Variants in ZC3H18 observed in about 807,000 individuals in gnomAD.
ZC3H18 encodes zinc finger CCCH-type containing 18, also known as zinc finger CCCH domain-containing protein 18.
ZC3H18 carries 8 observed loss-of-function variants against 106.1 expected under a neutral mutation model. The ratio of observed to expected loss-of-function variants is 0.08; its 90% CI spans 0.04 to 0.14. The LOEUF (loss-of-function observed/expected upper bound fraction) is 0.14. Among genes scored for constraint, ZC3H18 ranks in the 10% least tolerant of loss-of-function variants. The pLI, the probability that ZC3H18 is intolerant of heterozygous loss-of-function variation, is 1.00. For missense variants in ZC3H18, 1,318 were observed against 1,278.4 expected (o/e 1.03, Z -0.47); for synonymous variants, 635 against 522.1 (o/e 1.22, Z -2.95).
chr16:88,621,105 C>T (rs186154344), intron 8 of ZC3H18, among the ~76,000 whole-genome samples: 4 of 152,288 alleles, frequency 2.6e-5, no homozygotes, highest in Admixed American at 6.5e-5. Flanking sequence ...AGGGCAGTGG[C>T]GCAGTCTCAG....
chr16:88,596,929 G>T (rs995756233), intron 3 of ZC3H18, among the ~76,000 whole-genome samples: 1 of 152,022 alleles, frequency 6.6e-6, no homozygotes, highest in Non-Finnish European at 1.5e-5. Flanking sequence ...TTTGTTTTTT[G>T]TTGTTGTTTT....
chr16:88,627,934 G>C lies in ZC3H18; in HGVS notation c.2284G>C (p.Glu762Gln), dbSNP rs1356950701. The change falls in exon 15 of 18, where the codon GAA (glutamate) becomes CAA (glutamine). Residue 762 changes from glutamate to glutamine, a missense_variant. By Grantham distance (29) the Glu-to-Gln change is conservative. This residue lies in a region of ZC3H18 where 848 missense variants were observed against 821.7 expected (regional missense o/e 1.03). Coordinates refer to ENST00000301011, the MANE Select transcript of ZC3H18 (RefSeq NM_144604.4). This position sits in a 1 kb window ranked among gnomAD's most constrained non-coding sequence, Gnocchi z 4.5. ...ATCATTGGTAGGAAAATCTAAGAAA[G>C]AAGACGGTGTTAAAGAGGAAAAGCG... ...TRKEKGKSKKEDGVKEEKRKR... is the reference protein window; with the variant it reads ...TRKEKGKSKKQDGVKEEKRKR... 6.2e-7 allele frequency: 1 copy of C among 1,613,952 alleles called. No individual in the cohort carries two copies. The highest frequency in any genetic ancestry group is 8.5e-7 in the Non-Finnish European group (1 of 1,180,048).
At chr16:88,630,188 G>T (rs1187438418) in intron 16 of ZC3H18, 2 of 371,796 alleles carry the variant, frequency 5.4e-6, no homozygotes, top group East Asian at 4.7e-5. Context: ...CGTATTTGAA[G>T]ACCCATGTGA....
At position 88,625,274 on chromosome 16, in the gene ZC3H18, C is replaced by T. The variant is rs1327501376; in HGVS notation, c.2108+7C>T. On this transcript the variant is annotated splice_region_variant and intron_variant, in intron 13 of 17. Transcript: ENST00000301011. ...GTTCCAGCTCCCGATCCAGGTCATCCCCATCACCCTGTGCCTCTGTTTCTC... is the reference window on the plus strand; with the variant it reads ...GTTCCAGCTCCCGATCCAGGTCATCTCCATCACCCTGTGCCTCTGTTTCTC... The T allele has an allele frequency of 2.5e-6, 4 of 1,583,334 alleles. No homozygotes were observed. The highest frequency in any genetic ancestry group is 2.6e-6 in the Non-Finnish European group (3 of 1,164,796).
intron 1 of ZC3H18, among the ~76,000 whole-genome samples, chr16:88,571,174 A>C (rs971745667): frequency 1.3e-5 from 2 of 152,214 alleles, no homozygotes; most frequent in African/African-American, 2.4e-5. Context: ...GGAAGAACTG[A>C]AACTTAACAG....
At position 88,627,793 on chromosome 16, in the gene ZC3H18, G is replaced by T. The variant is rs1423681829; in HGVS notation, c.2269+11G>T. ...CCAGGAAGGAGAAAGGTACTCAGGA[G>T]CCCTGGTACCTTTGGGGAGCAGCTC... On this transcript the variant is annotated intron_variant, in intron 14 of 17. Transcript: ENST00000301011. The surrounding 1 kb of genome is among the most constrained non-coding windows in gnomAD (Gnocchi z 4.5). 6.2e-7 allele frequency: 1 copy of T among 1,610,096 alleles called. No homozygotes were observed. Among genetic ancestry groups the T allele is most frequent in the African/African-American group, 1.3e-5 (1 of 75,012 alleles).
intron 1 of ZC3H18, among the ~76,000 whole-genome samples, chr16:88,572,808 A>T (rs1477796115): frequency 6.6e-6 from 1 of 151,910 alleles, no homozygotes; most frequent in Non-Finnish European, 1.5e-5. Flanking sequence ...CCCAGGCTGG[A>T]GTGCAGTGGC....
rs140742060 is a variant in ZC3H18, at chr16:88,584,182, G to A, written c.604-2418G>A. ...CACACCTGTAATCCTAGCACTTTGG[G>A]AGGCCAAGGCGGGCAGATCACCTGA... On this transcript the variant is annotated intron_variant, in intron 2 of 17. Transcript: ENST00000301011. Among the ~76,000 whole-genome samples, 256 of 152,228 alleles carry A rather than the reference G, an allele frequency of 1.7e-3. 2 individuals carry two copies. The highest frequency in any genetic ancestry group is 5.7e-3 in the African/African-American group (236 of 41,548).
intron 17 of ZC3H18, 68 bp from the exon 18 acceptor site, chr16:88,631,033 G>A (rs922382617): frequency 8.8e-6 from 14 of 1,594,634 alleles, no homozygotes; most frequent in South Asian, 6.6e-5. Context: ...CGCCCCTACG[G>A]GGAGGTCACC....
At position 88,609,332 on chromosome 16, in the gene ZC3H18, C is replaced by T. The variant is rs1299637843; in HGVS notation, c.1206+281C>T. 5 of 233,946 alleles carry T rather than the reference C, an allele frequency of 2.1e-5. No individual in the cohort carries two copies. In the South Asian group the frequency reaches 2.5e-4, roughly 12 times the overall value. 14.5% of individuals were successfully genotyped at this position (233,946 alleles called of 1,614,324 possible). On this transcript the variant is annotated intron_variant, in intron 7 of 17. Coordinates refer to ENST00000301011, the MANE Select transcript of ZC3H18 (RefSeq NM_144604.4). ...TTGTTTTTTGAGATAGGGTCCCACT[C>T]TGTCACCCAGGCTGGAGTGCAGCGG...
Position 88,623,962 on chromosome 16 carries a change from C to T in ZC3H18, c.1798C>T (p.Arg600Trp). 1.2e-6 allele frequency: 2 copies of T among 1,611,614 alleles called. No homozygotes were observed. The highest frequency in any genetic ancestry group is 1.7e-6 in the Non-Finnish European group (2 of 1,178,360). ...SSFSGSRSRSRSFSSSPSPSP... is the reference protein window; with the variant it reads ...SSFSGSRSRSWSFSSSPSPSP... ...CACCTTTGTTCACTCCCCTAGGTCCCGGTCCTTCTCTTCGTCCCCGTCCCC... is the reference window on the plus strand; with the variant it reads ...CACCTTTGTTCACTCCCCTAGGTCCTGGTCCTTCTCTTCGTCCCCGTCCCC... The change falls in exon 11 of 18, where the codon CGG (arginine) becomes TGG (tryptophan). Residue 600 changes from arginine to tryptophan, a missense_variant. Around this residue, in one of 6 missense-constraint regions of ZC3H18, gnomAD observed 848 missense variants for 821.7 expected, o/e 1.03. Transcript: ENST00000301011.
intron 4 of ZC3H18, 33 bp downstream of exon 4, chr16:88,598,359 A>G (rs1158402623): frequency 2.5e-6 from 4 of 1,577,526 alleles, no homozygotes; most frequent in Non-Finnish European, 3.4e-6. Flanking sequence ...TTGTTAGCAC[A>G]TCAGCCAACT....
intron 3 of ZC3H18, among the ~76,000 whole-genome samples, chr16:88,591,494 C>T (rs934146409): frequency 1.3e-5 from 2 of 152,034 alleles, no homozygotes; most frequent in African/African-American, 4.8e-5. Context: ...ATCGCTTGAA[C>T]CCAGTAGGTG....
intron 8 of ZC3H18, among the ~76,000 whole-genome samples, chr16:88,615,173 T>TCG (rs1905514661): frequency 1.0e-5 from 1 of 97,168 alleles, no homozygotes; most frequent in Admixed American, 1.1e-4. Flanking sequence ...CCTCTGCCTT[T>TCG]GACAGGCTGC....
chr16:88,582,073 A>C (rs1412911576), intron 2 of ZC3H18, among the ~76,000 whole-genome samples: 1 of 152,184 alleles, frequency 6.6e-6, no homozygotes, highest in Non-Finnish European at 1.5e-5. Flanking sequence ...CTAGTCAGCC[A>C]GCAGCGCAGT....
At chr16:88,578,506 G>C (rs563645051) in intron 2 of ZC3H18, among the ~76,000 whole-genome samples, 2 of 152,028 alleles carry the variant, frequency 1.3e-5, no homozygotes, top group East Asian at 3.9e-4. Context: ...GCAAGGGACA[G>C]AGCAGTTGAA....
At chr16:88,606,361 G>A (rs1160022004) in intron 6 of ZC3H18, among the ~76,000 whole-genome samples, 5 of 152,240 alleles carry the variant, frequency 3.3e-5, no homozygotes, top group Non-Finnish European at 5.9e-5. Context: ...AGATGGTTCC[G>A]AGGCAGCCAC....
In ZC3H18 at chr16:88,577,200, A is replaced by T. The variant is rs750648614; in HGVS notation, c.77A>T (p.Asp26Val). Reference protein sequence around the residue: ...DEEQPQGLSDDDILRDSGSDQ... With the variant: ...DEEQPQGLSDVDILRDSGSDQ... ...GAGCAGCCACAGGGACTCTCGGACGATGACATTCTGAGGGACAGCGGGTCC... is the reference window on the plus strand; with the variant it reads ...GAGCAGCCACAGGGACTCTCGGACGTTGACATTCTGAGGGACAGCGGGTCC... The change falls in exon 2 of 18, where the codon GAT becomes GTT. Residue 26 changes from aspartate (D) to valine (V), a missense_variant. Around this residue, in one of 6 missense-constraint regions of ZC3H18, gnomAD observed 346 missense variants for 269.0 expected, o/e 1.29. Coordinates refer to ENST00000301011, the MANE Select transcript of ZC3H18 (RefSeq NM_144604.4). 1.9e-6 allele frequency: 3 copies of T among 1,612,216 alleles called. No homozygotes were observed. Among genetic ancestry groups the T allele is most frequent in the Non-Finnish European group, 2.5e-6 (3 of 1,179,076 alleles).
chr16:88,576,405 G>A (rs564092924), intron 1 of ZC3H18, among the ~76,000 whole-genome samples: 109 of 152,202 alleles, frequency 7.2e-4, no homozygotes, highest in African/African-American at 2.5e-3. Flanking sequence ...AGTTCTTTTC[G>A]ACAGCAGCTA....
Sources: gnomAD v4.1 joint callset for allele counts (sites outside exome capture counted in the v4.1 genomes callset) on GRCh38, gnomAD v4.1.1 for gene constraint, gnomAD v4.1.1 regional missense constraint, Gnocchi (gnomAD v3.1) non-coding constraint, MANE v1.5 for transcripts, NCBI Gene and HGNC (gene_info 2026-07-23, HGNC 2026-07-21) for gene names.